STARD13: variants seen among roughly 807,000 people sequenced by gnomAD.
The protein encoded by STARD13 is stAR-related lipid transfer protein 13.
Under a neutral mutation model 106.4 loss-of-function variants are expected in STARD13, and 62 were observed. The ratio of observed to expected loss-of-function variants is 0.58; its 90% CI spans 0.48 to 0.72. The LOEUF is 0.72. STARD13 is among the 30% of genes least tolerant of loss of function. The pLI, the probability that STARD13 is intolerant of heterozygous loss-of-function variation, is 0.00. For missense variants in STARD13, 1,387 were observed against 1,424.0 expected (o/e 0.97, Z 0.42); for synonymous variants, 565 against 553.0 (o/e 1.02, Z -0.31).
chr13:33,629,716 T>C, the STARD13 span, among the ~76,000 whole-genome samples: 1 of 152,192 alleles, frequency 6.6e-6, no homozygotes, highest in African/African-American at 2.4e-5. Flanking sequence ...TGTAAGAATA[T>C]AAAGCAAACA....
At position 33,265,208 on chromosome 13, in the gene STARD13, C is replaced by G. The variant is rs150770292; in HGVS notation, c.169+20262G>C. On this transcript the variant is annotated intron_variant, in intron 1 of 13. Transcript: ENST00000336934. Reference sequence around the variant, plus strand: ...ACAATTCAGGTGGAGAAGTTAAACTCTATATTAATAGCTCTTATAAAATAC... The same window carrying G: ...ACAATTCAGGTGGAGAAGTTAAACTGTATATTAATAGCTCTTATAAAATAC... Among the ~76,000 whole-genome samples, 26 of 151,938 alleles carry G rather than the reference C, an allele frequency of 1.7e-4. No individual in the cohort carries two copies. In the East Asian group the frequency reaches 5.0e-3, roughly 29 times the overall value.
chr13:33,269,223 C>T (rs1265332904), intron 1 of STARD13, among the ~76,000 whole-genome samples: 3 of 152,222 alleles, frequency 2.0e-5, no homozygotes, highest in African/African-American at 7.2e-5. Context: ...AAACTACCAT[C>T]ATCAGCATAC....
At chr13:33,282,986 C>T (rs766203179) in intron 1 of STARD13, among the ~76,000 whole-genome samples, 1 of 152,144 alleles carries the variant, frequency 6.6e-6, no homozygotes, top group Non-Finnish European at 1.5e-5. Flanking sequence ...ACTATGATCA[C>T]ACCACTGCAC....
At chr13:33,285,771 T>A, upstream of STARD13, 1 of 1,469,710 alleles carries the variant, frequency 6.8e-7, no homozygotes, top group Non-Finnish European at 8.9e-7. Context: ...GAAAGAGGAG[T>A]GCCAAAGCCA....
the STARD13 span, among the ~76,000 whole-genome samples, chr13:33,457,362 A>G: frequency 7.9e-5 from 12 of 152,228 alleles, no homozygotes; most frequent in African/African-American, 2.7e-4. Flanking sequence ...ATTCCTCTCT[A>G]AAGGATGAAT....
At chr13:33,571,595 CA>C in the STARD13 span, among the ~76,000 whole-genome samples, 6 of 152,230 alleles carry the variant, frequency 3.9e-5, no homozygotes, top group South Asian at 1.2e-3. Context: ...ATTGCCTTGC[CA>C]GCAGTTATTC....
the STARD13 span, among the ~76,000 whole-genome samples, chr13:33,370,788 T>A: frequency 2.6e-5 from 4 of 151,774 alleles, no homozygotes. Context: ...CTGGCTGATT[T>A]TTTTTGTATT....
the STARD13 span, among the ~76,000 whole-genome samples, chr13:33,470,433 A>G: frequency 6.6e-6 from 1 of 152,234 alleles, no homozygotes; most frequent in South Asian, 2.1e-4. Context: ...CTTTGGATAT[A>G]TACCCAGTAA....
chr13:33,458,778 C>T, the STARD13 span, among the ~76,000 whole-genome samples: 4 of 150,234 alleles, frequency 2.7e-5, no homozygotes, highest in Admixed American at 6.6e-5. Flanking sequence ...TTCCTCTGGG[C>T]GCTTCTGAGT....
chr13:33,478,259 C>A, the STARD13 span, among the ~76,000 whole-genome samples: 1 of 152,148 alleles, frequency 6.6e-6, no homozygotes, highest in Non-Finnish European at 1.5e-5. Flanking sequence ...CAGTGAGCAA[C>A]AGGACCTAGC....
chr13:33,163,701 T>TATATATAAAACATATATATATATAAC (rs1403862471), intron 3 of STARD13, among the ~76,000 whole-genome samples: 8 of 125,678 alleles, frequency 6.4e-5, no homozygotes, highest in Non-Finnish European at 1.3e-4. Flanking sequence ...ATATATAACA[T>TATATATAAAACATATATATATATAAC]ATATATAAAA....
chr13:33,330,010 A>G (rs1006177573), intron 1 of STARD13, among the ~76,000 whole-genome samples: 5 of 152,254 alleles, frequency 3.3e-5, no homozygotes, highest in African/African-American at 9.6e-5. Flanking sequence ...GGCCAAAATC[A>G]CATTTTCTTT....
At chr13:33,499,511 C>CTTCTTTCT in the STARD13 span, among the ~76,000 whole-genome samples, 49 of 69,164 alleles carry the variant, frequency 7.1e-4, 7 homozygotes, top group African/African-American at 3.1e-3. Context: ...TCTTCTTCTT[C>CTTCTTTCT]TTCTTTCTTT....
chr13:33,450,314 A>C, the STARD13 span, among the ~76,000 whole-genome samples: 97 of 152,314 alleles, frequency 6.4e-4, no homozygotes, highest in African/African-American at 2.1e-3. Context: ...ATTTTATCAA[A>C]TACTTCTATT....
chr13:33,172,228 T>C (rs1283797631), intron 1 of STARD13, among the ~76,000 whole-genome samples: 1 of 152,210 alleles, frequency 6.6e-6, no homozygotes, highest in Non-Finnish European at 1.5e-5. Context: ...AATGATCTTA[T>C]TTGTAAAAAA....
At chr13:33,302,597 AT>A (rs370903269) in intron 1 of STARD13, among the ~76,000 whole-genome samples, 401 of 151,982 alleles carry the variant, frequency 2.6e-3, no homozygotes, top group African/African-American at 9.2e-3. Flanking sequence ...TAATGTTTGT[AT>A]TTTTGGCCAT....
chr13:33,573,871 C>G, the STARD13 span, among the ~76,000 whole-genome samples: 1 of 151,864 alleles, frequency 6.6e-6, no homozygotes, highest in Admixed American at 6.6e-5. Flanking sequence ...CATTTAATTC[C>G]CAGAACAAAT....
chr13:33,620,167 C>T, the STARD13 span, among the ~76,000 whole-genome samples: 1 of 152,072 alleles, frequency 6.6e-6, no homozygotes, highest in African/African-American at 2.4e-5. Flanking sequence ...CAAATAGACA[C>T]AAACACAAAC....
chr13:33,327,215 C>G (rs902035225), intron 1 of STARD13, among the ~76,000 whole-genome samples: 1 of 152,208 alleles, frequency 6.6e-6, no homozygotes, highest in Admixed American at 6.5e-5. Flanking sequence ...GTAATACCTA[C>G]ATATCTTCTG....
Sources: gnomAD v4.1 joint callset for allele counts (sites outside exome capture counted in the v4.1 genomes callset) on GRCh38, gnomAD v4.1.1 for gene constraint, MANE v1.5 for transcripts, NCBI Gene and HGNC (gene_info 2026-07-23, HGNC 2026-07-21) for gene names.